The following SYNE1 variants were observed in gnomAD, a reference collection of about 807,000 sequenced individuals.
The protein encoded by SYNE1 is spectrin repeat containing nuclear envelope protein 1, also known as nesprin-1.
A neutral mutation model predicts 1,111.0 loss-of-function variants in SYNE1; 616 were observed. The ratio of observed to expected loss-of-function variants is 0.55; its 90% CI spans 0.52 to 0.59. SYNE1 has a LOEUF of 0.59. Ranked by LOEUF, SYNE1 falls within the 20% of genes least tolerant of loss-of-function variation. The pLI, the probability that SYNE1 is intolerant of heterozygous loss-of-function variation, is 0.00. For missense variants in SYNE1, 10,006 were observed against 10,417.0 expected (o/e 0.96, Z 1.72); for synonymous variants, 3,855 against 3,825.8 (o/e 1.01, Z -0.28).
At position 152,504,702 on chromosome 6, in the gene SYNE1, A is replaced by G. The variant is rs77515619; in HGVS notation, c.778+499T>C. Among the ~76,000 whole-genome samples the G allele has an allele frequency of 6.4e-3, 972 of 152,324 alleles. 16 individuals carry two copies. The highest frequency in any genetic ancestry group is 0.022 in the African/African-American group (933 of 41,584). ...TTGAAGGCTTGAAAGAGTTCACTCC[A>G]TTTCCAAAAAGTCTTAGCACTCACG... On this transcript the variant is annotated intron_variant, in intron 9 of 145. Transcript: ENST00000367255.
chr6:152,314,269 A>G (rs1334700769), intron 87 of SYNE1, among the ~76,000 whole-genome samples: 5 of 152,172 alleles, frequency 3.3e-5, no homozygotes, highest in Non-Finnish European at 7.4e-5. Flanking sequence ...GACTTTTAGG[A>G]TCTTTTTCTT....
In SYNE1 at chr6:152,359,464, G is replaced by A. The variant is rs762645232; in HGVS notation, c.10300-6C>T. 17 of 1,613,936 alleles carry A rather than the reference G, an allele frequency of 1.1e-5. No homozygotes were observed. In the African/African-American group the frequency reaches 1.2e-4, roughly 11 times the overall value. On this transcript the variant is annotated splice_polypyrimidine_tract_variant and splice_region_variant and intron_variant, in intron 64 of 145. Transcript: ENST00000367255. The stretch of plus-strand genomic sequence containing the variant: ...AGCACTTCTTCATTTAATAACTAGA[G>A]AGCATTTAAGAAAAATAAAGTGGCC...
At chr6:152,221,734 T>C (rs2080229302) in intron 117 of SYNE1, among the ~76,000 whole-genome samples, 175 bp from the exon 118 acceptor site, 1 of 152,222 alleles carries the variant, frequency 6.6e-6, no homozygotes, top group Non-Finnish European at 1.5e-5. Context: ...TTCTCTTTTG[T>C]AGGATTTTGT....
intron 35 of SYNE1, 40 bp from the exon 36 acceptor site, chr6:152,430,250 A>T (rs2098416331): frequency 6.7e-7 from 1 of 1,503,706 alleles, no homozygotes; most frequent in Non-Finnish European, 9.2e-7. Context: ...AGTGGGAAAG[A>T]TACATAGCAA....
intron 34 of SYNE1, among the ~76,000 whole-genome samples, chr6:152,431,470 A>G (rs1199649731): frequency 6.6e-6 from 1 of 152,218 alleles, no homozygotes; most frequent in Admixed American, 6.5e-5. Flanking sequence ...CCAACATCTG[A>G]AAAATACTGA....
chr6:152,634,117 A>T (rs2099702289), intron 2 of SYNE1, among the ~76,000 whole-genome samples: 2 of 152,248 alleles, frequency 1.3e-5, no homozygotes, highest in African/African-American at 4.8e-5. Context: ...TACACTAAGA[A>T]AAGCACTGAA....
At chr6:152,460,153 A>G (rs532232466) in intron 21 of SYNE1, among the ~76,000 whole-genome samples, 4 of 152,340 alleles carry the variant, frequency 2.6e-5, no homozygotes, top group African/African-American at 9.6e-5. Flanking sequence ...TGAACACCTA[A>G]GCATGGCTCA....
intron 51 of SYNE1, among the ~76,000 whole-genome samples, chr6:152,392,908 T>C (rs963656): frequency 0.038 from 5,760 of 152,238 alleles, 395 homozygotes; most frequent in African/African-American, 0.13. Context: ...TTCCTTAAAA[T>C]ATTTCAAGTA....
rs1229667717 is a variant in SYNE1 at position 152,350,167 on chromosome 6, C to A, written c.11901+1G>T. On this transcript the variant is annotated splice_donor_variant, in intron 72 of 145. Transcript: ENST00000367255. LOFTEE classifies it high-confidence loss of function. ...GGCAGCCCTTTAAAGGTCAGGGGTA[C>A]CTTGTGGTGGGCCAATTGCTGGGTG... The A allele has an allele frequency of 1.2e-6, 2 of 1,613,002 alleles. No individual in the cohort carries two copies. Among genetic ancestry groups the A allele is most frequent in the Admixed American group, 1.7e-5 (1 of 60,004 alleles).
intron 3 of SYNE1, among the ~76,000 whole-genome samples, chr6:152,548,041 G>C (rs2099322898): frequency 6.6e-6 from 1 of 152,136 alleles, no homozygotes; most frequent in South Asian, 2.1e-4. Flanking sequence ...GGGGAAAAAA[G>C]AGAACATTTG....
intron 32 of SYNE1, among the ~76,000 whole-genome samples, chr6:152,436,623 A>C (rs1254101262): frequency 2.6e-5 from 4 of 152,068 alleles, no homozygotes; most frequent in Non-Finnish European, 5.9e-5. Flanking sequence ...TTCTATACAC[A>C]ACCAGCTATT....
At chr6:152,259,294 A>G (rs2091545165) in intron 101 of SYNE1, among the ~76,000 whole-genome samples, 1 of 151,968 alleles carries the variant, frequency 6.6e-6, no homozygotes, top group South Asian at 2.1e-4. Flanking sequence ...TTAGAAATGT[A>G]TGCACTATTT....
At chr6:152,423,458 A>G (rs534700945) in intron 39 of SYNE1, among the ~76,000 whole-genome samples, 80 of 152,098 alleles carry the variant, frequency 5.3e-4, no homozygotes, top group African/African-American at 1.9e-3. Context: ...ACCAACACAC[A>G]CTATACATTG....
intron 3 of SYNE1, among the ~76,000 whole-genome samples, chr6:152,556,546 G>T (rs2099365733): frequency 6.6e-6 from 1 of 152,072 alleles, no homozygotes; most frequent in African/African-American, 2.4e-5. Context: ...CCACCCCACT[G>T]CCTGACTGTT....
In SYNE1 at chr6:152,218,064, G is replaced by A. The variant is rs9371578; in HGVS notation, c.22191+193C>T. Among the ~76,000 whole-genome samples the A allele has an allele frequency of 0.21, 31,634 of 151,764 alleles. 3,960 individuals carry two copies. The highest frequency in any genetic ancestry group is 0.55 in the East Asian group (2,818 of 5,152). Reference sequence around the variant, plus strand: ...ACAAAAACTAGCCAGGAGTGGTGGCGTGCCCCTATAATCCTAGCTACTCGG... The same window carrying A: ...ACAAAAACTAGCCAGGAGTGGTGGCATGCCCCTATAATCCTAGCTACTCGG... On this transcript the variant is annotated intron_variant, in intron 121 of 145. Transcript: ENST00000367255.
At chr6:152,283,187 C>A (rs1345878235) in intron 96 of SYNE1, among the ~76,000 whole-genome samples, 2 of 151,952 alleles carry the variant, frequency 1.3e-5, no homozygotes, top group Non-Finnish European at 2.9e-5. Context: ...TTACTGCTGC[C>A]CAAATTTGTC....
chr6:152,367,073 C>A, intron 62 of SYNE1, 145 bp downstream of exon 62: 1 of 1,011,882 alleles, frequency 9.9e-7, no homozygotes, highest in Non-Finnish European at 1.6e-6. Flanking sequence ...CATGTGCACC[C>A]AAGGCAGACA....
intron 87 of SYNE1, chr6:152,315,176 G>A (rs2095675598): frequency 6.7e-6 from 1 of 149,042 alleles, no homozygotes; most frequent in South Asian, 2.1e-4. Flanking sequence ...TCCAAAAGGA[G>A]CCAACAGGCC....
rs76355528 is a variant in SYNE1, at chr6:152,215,311, G to A, written c.22192-251C>T. Among the ~76,000 whole-genome samples the A allele has an allele frequency of 2.7e-3, 418 of 152,058 alleles. 1 individual carries two copies. The highest frequency in any genetic ancestry group is 9.6e-3 in the African/African-American group (398 of 41,482). ...CATTATCCTTTATGGACTACTTAACGTGTATTCTGTTATTTACTTGATATA... is the reference window on the plus strand; with the variant it reads ...CATTATCCTTTATGGACTACTTAACATGTATTCTGTTATTTACTTGATATA... On this transcript the variant is annotated intron_variant, in intron 121 of 145. Transcript: ENST00000367255.
Sources: allele counts gnomAD v4.1 joint callset (sites outside exome capture counted in the v4.1 genomes callset), GRCh38; gene constraint gnomAD v4.1.1; transcripts MANE v1.5; gene names NCBI Gene and HGNC (gene_info 2026-07-23, HGNC 2026-07-21).